CAPN15: variants seen among roughly 807,000 people sequenced by gnomAD.
CAPN15 encodes calpain 15.
In CAPN15, 53 loss-of-function variants were observed where a neutral mutation model predicts 97.9. The ratio of observed to expected loss-of-function variants is 0.54; its 90% CI spans 0.43 to 0.68. The LOEUF is 0.68. Among genes scored for constraint, CAPN15 ranks in the 30% least tolerant of loss-of-function variants. The probability of loss-of-function intolerance (pLI) is 0.00; values close to 1 mark genes in which losing one functional copy is unlikely to be tolerated. For synonymous variants in CAPN15, 922 were observed against 722.5 expected (o/e 1.28, Z -4.43); for missense variants, 1,592 against 1,589.8 (o/e 1.00, Z -0.02).
In CAPN15 at chr16:551,628, A is replaced by G; in HGVS notation, c.2309A>G (p.Glu770Gly). 1 of 1,604,576 alleles carries G rather than the reference A, an allele frequency of 6.2e-7. No individual in the cohort carries two copies. Among genetic ancestry groups the G allele is most frequent in the Non-Finnish European group, 8.5e-7 (1 of 1,177,874 alleles). ...GAGCTCATGCCGCACGGCAGCAGTG[A>G]GGGTGTCTTCTGGATGGAGTACGGC... ...RGELMPHGSS[E>G]GVFWMEYGDF... Residue 770 changes from glutamate to glycine, a missense_variant, in exon 9 of 14, where the codon GAG becomes GGG. By Grantham distance (98) the Glu-to-Gly change is moderately conservative. Coordinates refer to ENST00000219611, the MANE Select transcript of CAPN15 (RefSeq NM_005632.3).
intron 9 of CAPN15, 83 bp from the exon 10 acceptor site, chr16:551,968 C>A: frequency 1.4e-6 from 2 of 1,430,244 alleles, no homozygotes; most frequent in East Asian, 5.0e-5. Flanking sequence ...GCTGGGGTCA[C>A]CGGCCTGTGG....
chr16:552,855 G>A lies in CAPN15; in HGVS notation c.2905-8G>A, dbSNP rs775875732. On this transcript the variant is annotated splice_polypyrimidine_tract_variant and splice_region_variant and intron_variant, in intron 12 of 13. Coordinates refer to ENST00000219611, the MANE Select transcript of CAPN15 (RefSeq NM_005632.3). This position sits in a 1 kb window ranked among gnomAD's most constrained non-coding sequence, Gnocchi z 6.4. Reference sequence around the variant, plus strand: ...CCCCTGCCCCACAACTGCCATTCCTGTGCCCAGGGCCGTGAGGGCATGACC... The same window carrying A: ...CCCCTGCCCCACAACTGCCATTCCTATGCCCAGGGCCGTGAGGGCATGACC... 40 of 1,580,250 alleles carry A rather than the reference G, an allele frequency of 2.5e-5. No individual in the cohort carries two copies. Among genetic ancestry groups the A allele is most frequent in the Non-Finnish European group, 3.4e-5 (40 of 1,159,634 alleles).
At chr16:545,524 A>G (rs1402111173) in intron 3 of CAPN15, among the ~76,000 whole-genome samples, 4 of 152,236 alleles carry the variant, frequency 2.6e-5, no homozygotes, top group Non-Finnish European at 5.9e-5. Flanking sequence ...TTCTGACTTC[A>G]TTGAAACCCT....
rs762068414 is a variant in CAPN15 at position 547,451 on chromosome 16, C to T, written c.613C>T (p.Pro205Ser). The T allele has an allele frequency of 6.3e-6, 10 of 1,590,494 alleles. No homozygotes were observed. In the African/African-American group the frequency reaches 8.0e-5, roughly 13 times the overall value. The change falls in exon 4 of 14, where the codon CCC (proline) becomes TCC (serine). Residue 205 changes from proline to serine, a missense_variant. Pro to Ser is a moderately conservative substitution (Grantham distance 74). This residue lies in a region of CAPN15 where 883 missense variants were observed against 776.6 expected (regional missense o/e 1.14). Coordinates refer to ENST00000219611, the MANE Select transcript of CAPN15 (RefSeq NM_005632.3). ...VVPAAPPPGL[P>S]GEGAEANPPA... ...GCCTGCCGCGCCTCCACCTGGCCTC[C>T]CCGGGGAAGGTGCCGAGGCCAACCC...
chr16:551,626 T>G lies in CAPN15; in HGVS notation c.2307T>G (p.Ser769Arg). 1.9e-6 allele frequency: 3 copies of G among 1,605,048 alleles called. No individual in the cohort carries two copies. Among genetic ancestry groups the G allele is most frequent in the Non-Finnish European group, 2.5e-6 (3 of 1,178,164 alleles). ...GCGAGCTCATGCCGCACGGCAGCAG[T>G]GAGGGTGTCTTCTGGATGGAGTACG... ...LRGELMPHGS[S>R]EGVFWMEYGD... Residue 769 changes from serine to arginine, a missense_variant, in exon 9 of 14, where the codon AGT becomes AGG. Physicochemically the swap from Ser to Arg is moderately radical, Grantham distance 110. Coordinates refer to ENST00000219611, the MANE Select transcript of CAPN15 (RefSeq NM_005632.3).
At chr16:534,234 G>GGCGGCCTGGGGTCCCGAC (rs1555440868) in intron 2 of CAPN15, among the ~76,000 whole-genome samples, 1 of 146,334 alleles carries the variant, frequency 6.8e-6, no homozygotes, top group Non-Finnish European at 1.5e-5. Context: ...GTCCCGACAG[G>GGCGGCCTGGGGTCCCGAC]GGTGTTTGTC....
At chr16:550,030 C>T (rs1295095675) in intron 7 of CAPN15, among the ~76,000 whole-genome samples, 192 bp downstream of exon 7, 1 of 152,196 alleles carries the variant, frequency 6.6e-6, no homozygotes, top group Non-Finnish European at 1.5e-5. Flanking sequence ...AGCTGGCCTT[C>T]TCATGCCAGG....
Position 548,134 on chromosome 16 carries a change from C to T in CAPN15, c.1296C>T (p.Cys432=), listed in dbSNP as rs753468615. ...TLLNALRAKH[C]AACHTPQLLV... ...TCAACGCACTGCGGGCCAAGCACTG[C>T]GCCGCCTGCCACACGCCTCAGCTCC... is the stretch of plus-strand genomic sequence containing the variant. Residue 432 remains cysteine (C), a synonymous_variant, in exon 4 of 14, where the codon TGC becomes TGT. Coordinates refer to ENST00000219611, the MANE Select transcript of CAPN15 (RefSeq NM_005632.3). The T allele has an allele frequency of 2.7e-5, 42 of 1,528,502 alleles. No individual in the cohort carries two copies. The East Asian group carries it at 8.4e-4, about 31-fold the overall frequency. The allele number at this position is 1,528,502 out of a possible 1,614,324, so 94.7% of individuals were successfully genotyped here.
At chr16:551,848 G>T in intron 9 of CAPN15, 184 bp downstream of exon 9, 1 of 994,084 alleles carries the variant, frequency 1.0e-6, no homozygotes, top group Non-Finnish European at 1.5e-6. Context: ...CAGGTCAGCA[G>T]ATTCCAGCGC....
intron 2 of CAPN15, among the ~76,000 whole-genome samples, chr16:534,878 G>A (rs1214095874): frequency 6.6e-6 from 1 of 152,214 alleles, no homozygotes; most frequent in East Asian, 1.9e-4. Context: ...GTGGCAAGAT[G>A]GCTCTGTGAA....
rs1433052298 is a variant in CAPN15 at position 547,404 on chromosome 16, C to T, written c.566C>T (p.Ala189Val). The T allele has an allele frequency of 2.6e-6, 4 of 1,565,204 alleles. No homozygotes were observed. The highest frequency in any genetic ancestry group is 3.4e-6 in the Non-Finnish European group (4 of 1,163,136). ...GCCCTGGTGGTCCCGGAAGTGGTGG[C>T]CCCGGCCGGCTTCCACGTCGTGCCT... ...PEALVVPEVV[A>V]PAGFHVVPAA... The change falls in exon 4 of 14, where the codon GCC (alanine) becomes GTC (valine). Residue 189 changes from alanine (A) to valine (V), a missense_variant. Ala to Val is a moderately conservative substitution (Grantham distance 64). This residue lies in a region of CAPN15 where 883 missense variants were observed against 776.6 expected (regional missense o/e 1.14). Coordinates refer to ENST00000219611, the MANE Select transcript of CAPN15 (RefSeq NM_005632.3).
At chr16:532,545 AC>A (rs1369407353) in intron 1 of CAPN15, among the ~76,000 whole-genome samples, 1 of 142,866 alleles carries the variant, frequency 7.0e-6, no homozygotes, top group Non-Finnish European at 1.5e-5. Flanking sequence ...ACAGAGTGAT[AC>A]CCTGTCTCAA....
chr16:554,335 G>A lies in CAPN15; in HGVS notation c.*819G>A. The A allele has an allele frequency of 2.7e-6, 1 of 369,670 alleles. No individual in the cohort carries two copies. The highest frequency in any genetic ancestry group is 5.3e-6 in the Non-Finnish European group (1 of 187,892). 22.9% of individuals were successfully genotyped at this position (369,670 alleles called of 1,614,324 possible). ...AGCCCAGGAGTGTGTGGACGTCTGA[G>A]CCCAGCTTTCTGCGTGCCCTCCTGG... On this transcript the variant is annotated 3_prime_UTR_variant, in exon 14 of 14. Coordinates refer to ENST00000219611, the MANE Select transcript of CAPN15 (RefSeq NM_005632.3).
At chr16:543,932 G>A (rs1422442853) in intron 3 of CAPN15, among the ~76,000 whole-genome samples, 2 of 152,220 alleles carry the variant, frequency 1.3e-5, no homozygotes, top group African/African-American at 4.8e-5. Flanking sequence ...TGGATGAAGG[G>A]GTGGTGCACA....
intron 4 of CAPN15, 59 bp from the exon 5 acceptor site, chr16:548,934 C>T (rs1173125225): frequency 2.6e-6 from 4 of 1,534,938 alleles, no homozygotes; most frequent in Middle Eastern, 1.8e-4. Flanking sequence ...GGTCTTGTCC[C>T]TGCCAGGTGG....
chr16:543,846 G>A (rs536047880), intron 3 of CAPN15, among the ~76,000 whole-genome samples: 19 of 152,306 alleles, frequency 1.2e-4, no homozygotes, highest in African/African-American at 3.8e-4. Flanking sequence ...TGCCTGGCTC[G>A]CTGCCCTGGT....
intron 7 of CAPN15, among the ~76,000 whole-genome samples, chr16:550,717 TGTCGGTGAGGGTCCCC>T (rs1275987673): frequency 1.2e-3 from 107 of 91,214 alleles, no homozygotes; most frequent in Non-Finnish European, 1.6e-3. Context: ...GAGGGTCCCC[TGTCGGTGAGGGTCCCC>T]GTCGGTGAGG....
In CAPN15 at chr16:551,858, C is replaced by T. The variant is rs541395912; in HGVS notation, c.2346-193C>T. Reference sequence around the variant, plus strand: ...CCACCCAGGTCAGCAGATTCCAGCGCCCTGAAGAGCCGGCCCTGGAGGGCT... The same window carrying T: ...CCACCCAGGTCAGCAGATTCCAGCGTCCTGAAGAGCCGGCCCTGGAGGGCT... On this transcript the variant is annotated intron_variant, in intron 9 of 13. Coordinates refer to ENST00000219611, the MANE Select transcript of CAPN15 (RefSeq NM_005632.3). 211 of 970,860 alleles carry T rather than the reference C, an allele frequency of 2.2e-4. No homozygotes were observed. The African/African-American group carries it at 2.9e-3, about 14-fold the overall frequency. 60.1% of individuals were successfully genotyped at this position (970,860 alleles called of 1,614,324 possible). A position where few individuals can be genotyped will look rare whatever the true frequency, so the allele number is the denominator to read the frequency against.
chr16:551,649 A>G lies in CAPN15; in HGVS notation c.2330A>G (p.Tyr777Cys). The G allele has an allele frequency of 6.3e-7, 1 of 1,593,814 alleles. No homozygotes were observed. Among genetic ancestry groups the G allele is most frequent in the Non-Finnish European group, 8.5e-7 (1 of 1,172,702 alleles). The change falls in exon 9 of 14, where the codon TAC (tyrosine) becomes TGC (cysteine). Residue 777 changes from tyrosine (Y) to cysteine (C), a missense_variant. Tyr to Cys is a radical substitution (Grantham distance 194). This residue lies in a region of CAPN15 where 644 missense variants were observed against 699.6 expected (regional missense o/e 0.92). Coordinates refer to ENST00000219611, the MANE Select transcript of CAPN15 (RefSeq NM_005632.3). ...GSSEGVFWMEYGDFVRYFDSV... is the reference protein window; with the variant it reads ...GSSEGVFWMECGDFVRYFDSV... ...AGTGAGGGTGTCTTCTGGATGGAGT[A>G]CGGCGACTTTGTCAGGTATCGGCAC...
Sources: allele counts gnomAD v4.1 joint callset (sites outside exome capture counted in the v4.1 genomes callset), GRCh38; gene constraint gnomAD v4.1.1; regional missense constraint gnomAD v4.1.1; non-coding constraint Gnocchi (gnomAD v3.1); transcripts MANE v1.5; gene names NCBI Gene and HGNC (gene_info 2026-07-23, HGNC 2026-07-21).